GPBP1: variants seen among roughly 807,000 people sequenced by gnomAD.
GPBP1 encodes GC-rich promoter binding protein 1, also known as vasculin.
Under a neutral mutation model 56.5 loss-of-function variants are expected in GPBP1, and 13 were observed. The observed-to-expected ratio is 0.23, with a 90% CI of 0.15 to 0.37. GPBP1 has a LOEUF of 0.37. GPBP1 is among the 10% of genes least tolerant of loss of function. GPBP1 has a pLI of 1.00. For missense variants in GPBP1, 477 were observed against 572.3 expected (o/e 0.83, Z 1.70); for synonymous variants, 204 against 188.9 (o/e 1.08, Z -0.66).
intron 3 of GPBP1, among the ~76,000 whole-genome samples, chr5:57,220,987 A>C (rs1755936621): frequency 6.6e-6 from 1 of 152,244 alleles, no homozygotes; most frequent in East Asian, 1.9e-4. Flanking sequence ...TAATTGGAAC[A>C]GACATTAATT....
At position 57,230,895 on chromosome 5, in the gene GPBP1, A is replaced by G; in HGVS notation, c.113A>G (p.Asn38Ser). The G allele has an allele frequency of 6.2e-7, 1 of 1,612,236 alleles. No individual in the cohort carries two copies. Among genetic ancestry groups the G allele is most frequent in the Non-Finnish European group, 8.5e-7 (1 of 1,179,184 alleles). The change falls in exon 4 of 12, where the codon AAT (asparagine) becomes AGT (serine). Residue 38 changes from asparagine (N) to serine (S), a missense_variant. Physicochemically the swap from Asn to Ser is conservative, Grantham distance 46. Around this residue, in one of 2 missense-constraint regions of GPBP1, gnomAD observed 414 missense variants for 458.2 expected, o/e 0.90. Transcript: ENST00000506184. The part of the protein sequence containing the change: ...KHSENFAWTE[N>S]RYDVNRRRHN... ...TCTGAAAACTTTGCATGGACAGAGA[A>G]TCGTTATGATGTGAACCGTCGACGA...
intron 3 of GPBP1, among the ~76,000 whole-genome samples, chr5:57,228,367 A>C (rs910577212): frequency 5.9e-5 from 9 of 152,102 alleles, no homozygotes; most frequent in Admixed American, 1.3e-4. Context: ...AGGCAGGAGA[A>C]TCATTTGAAC....
At chr5:57,201,861 A>G (rs1755037051) in intron 2 of GPBP1, among the ~76,000 whole-genome samples, 1 of 152,178 alleles carries the variant, frequency 6.6e-6, no homozygotes, top group Non-Finnish European at 1.5e-5. Context: ...TACTGTAGTG[A>G]AAAAGTGGGC....
intron 2 of GPBP1, among the ~76,000 whole-genome samples, chr5:57,193,613 C>CAA (rs1194542329): frequency 0.08 from 4,796 of 60,256 alleles, 335 homozygotes; most frequent in African/African-American, 0.17. Context: ...GACCCTGTCT[C>CAA]AAAAAAAAAA....
At chr5:57,195,757 C>G (rs1264068852) in intron 2 of GPBP1, among the ~76,000 whole-genome samples, 1 of 151,888 alleles carries the variant, frequency 6.6e-6, no homozygotes, top group African/African-American at 2.4e-5. Flanking sequence ...AATCCCAACA[C>G]TTTGGGAGGC....
At chr5:57,175,088 G>A (rs1045679849) in intron 1 of GPBP1, among the ~76,000 whole-genome samples, 1 of 152,210 alleles carries the variant, frequency 6.6e-6, no homozygotes, top group African/African-American at 2.4e-5. Context: ...ATCGAAGAGG[G>A]TTGGAGATCT....
At chr5:57,216,269 C>A (rs760468630) in intron 3 of GPBP1, among the ~76,000 whole-genome samples, 3 of 152,128 alleles carry the variant, frequency 2.0e-5, no homozygotes, top group Non-Finnish European at 4.4e-5. Flanking sequence ...AGGTGTACCC[C>A]CCTTGTTTAG....
At chr5:57,239,045 CAG>C (rs772416810) in intron 6 of GPBP1, among the ~76,000 whole-genome samples, 2 of 152,140 alleles carry the variant, frequency 1.3e-5, no homozygotes, top group Non-Finnish European at 1.5e-5. Context: ...CTTTGGTAAA[CAG>C]AATTAAGGGA....
At chr5:57,236,888 A>G (rs910735053) in intron 6 of GPBP1, among the ~76,000 whole-genome samples, 7 of 152,152 alleles carry the variant, frequency 4.6e-5, no homozygotes, top group Non-Finnish European at 7.3e-5. Flanking sequence ...TTGACAGCAT[A>G]CTAGTCCTAA....
intron 10 of GPBP1, among the ~76,000 whole-genome samples, chr5:57,255,147 C>CT (rs1012573941): frequency 3.1e-4 from 47 of 152,208 alleles, no homozygotes; most frequent in African/African-American, 1.1e-3. Flanking sequence ...AATTGTGAAA[C>CT]TGTTTTCCTG....
At chr5:57,224,377 G>A (rs1472023652) in intron 3 of GPBP1, among the ~76,000 whole-genome samples, 1 of 151,602 alleles carries the variant, frequency 6.6e-6, no homozygotes, top group Non-Finnish European at 1.5e-5. Flanking sequence ...CGAGTAGCTG[G>A]GACTACAGGC....
chr5:57,200,698 T>C (rs1233752918), intron 2 of GPBP1, among the ~76,000 whole-genome samples: 1 of 151,826 alleles, frequency 6.6e-6, no homozygotes, highest in African/African-American at 2.4e-5. Flanking sequence ...CTTACTTTTG[T>C]ATCTTAAGGG....
chr5:57,256,871 G>GTT (rs1741688117), intron 10 of GPBP1, among the ~76,000 whole-genome samples: 3 of 152,166 alleles, frequency 2.0e-5, no homozygotes, highest in Admixed American at 2.0e-4. Flanking sequence ...AGCTAAGAGA[G>GTT]TTAATGGCTT....
chr5:57,264,417 T>G lies in GPBP1; in HGVS notation c.*1665T>G, dbSNP rs567155216. On this transcript the variant is annotated 3_prime_UTR_variant, in exon 12 of 12. Transcript: ENST00000506184. The stretch of plus-strand genomic sequence containing the variant: ...ATTTGCTTAATAGATTAATGAAATT[T>G]ATCAGATACAACCTGTATTTCCAAA... The G allele has an allele frequency of 6.6e-6, 1 of 152,146 alleles. No individual in the cohort carries two copies. The highest frequency in any genetic ancestry group is 1.5e-5 in the Non-Finnish European group (1 of 68,002). The allele number at this position is 152,146 out of a possible 1,614,324, so 9.4% of individuals were successfully genotyped here.
intron 6 of GPBP1, among the ~76,000 whole-genome samples, chr5:57,236,456 C>T (rs1051890079): frequency 1.5e-4 from 22 of 149,982 alleles, no homozygotes; most frequent in African/African-American, 4.8e-4. Context: ...AAAGTGGTTA[C>T]GTATATATAT....
chr5:57,209,435 G>A (rs1235039684), intron 2 of GPBP1, among the ~76,000 whole-genome samples: 1 of 152,092 alleles, frequency 6.6e-6, no homozygotes, highest in Non-Finnish European at 1.5e-5. Flanking sequence ...CAAGTATCTG[G>A]GACTACAGGT....
At chr5:57,199,116 G>C (rs1430251703) in intron 2 of GPBP1, among the ~76,000 whole-genome samples, 1 of 152,064 alleles carries the variant, frequency 6.6e-6, no homozygotes, top group Non-Finnish European at 1.5e-5. Flanking sequence ...GTTCTTTTCT[G>C]TGTTCTTTCA....
At chr5:57,195,330 T>C (rs910025700) in intron 2 of GPBP1, among the ~76,000 whole-genome samples, 1 of 152,074 alleles carries the variant, frequency 6.6e-6, no homozygotes, top group Non-Finnish European at 1.5e-5. Context: ...TAATTTCTTG[T>C]ATATTTTGTG....
intron 6 of GPBP1, 188 bp from the exon 7 acceptor site, chr5:57,246,112 A>G (rs1741075657): frequency 2.1e-6 from 1 of 469,790 alleles, no homozygotes; most frequent in Admixed American, 3.5e-5. Flanking sequence ...ATTCTGTGGG[A>G]TAATGTTTTA....
Sources: allele counts gnomAD v4.1 joint callset (sites outside exome capture counted in the v4.1 genomes callset), GRCh38; gene constraint gnomAD v4.1.1; regional missense constraint gnomAD v4.1.1; transcripts MANE v1.5; gene names NCBI Gene and HGNC (gene_info 2026-07-23, HGNC 2026-07-21).